The following TBXA2R variants were observed in gnomAD, a reference collection of about 807,000 sequenced individuals.
TBXA2R encodes prostanoid TP receptor.
Under a neutral mutation model 15.6 loss-of-function variants are expected in TBXA2R, and 15 were observed. That is an observed-to-expected ratio of 0.96 (90% confidence interval 0.64 to 1.48). The LOEUF (loss-of-function observed/expected upper bound fraction) is 1.48. Ranked by LOEUF, TBXA2R falls within the 40% of genes most tolerant of loss-of-function variation. TBXA2R has a pLI of 0.00. For missense variants in TBXA2R, 506 were observed against 491.4 expected (o/e 1.03, Z -0.28); for synonymous variants, 280 against 241.2 (o/e 1.16, Z -1.49).
At chr19:3,598,561 A>C (rs2032648113) in intron 2 of TBXA2R, among the ~76,000 whole-genome samples, 1 of 151,848 alleles carries the variant, frequency 6.6e-6, no homozygotes, top group Non-Finnish European at 1.5e-5. Flanking sequence ...CATGTAGGCC[A>C]GGCTGGTCTT....
chr19:3,602,081 C>T (rs1276038958), intron 1 of TBXA2R, among the ~76,000 whole-genome samples: 1 of 151,970 alleles, frequency 6.6e-6, no homozygotes, highest in African/African-American at 2.4e-5. Flanking sequence ...ATTAGCCGGG[C>T]GTGGTGGCGG....
Position 3,600,071 on chromosome 19 carries a change from G to A in TBXA2R, c.564C>T (p.Gly188=), listed in dbSNP as rs199672500. ...CGAAGGCCACGTCCCCGGACTCGGCGCCCAGCGTCAGGAAGCACCAGGACC... is the reference window on the plus strand; with the variant it reads ...CGAAGGCCACGTCCCCGGACTCGGCACCCAGCGTCAGGAAGCACCAGGACC... The part of the protein sequence containing the change: ...YPGSWCFLTL[G]AESGDVAFGL... Residue 188 remains glycine (G), a synonymous_variant, in exon 2 of 3, where the codon GGC becomes GGT. Transcript: ENST00000375190. 6 of 1,612,398 alleles carry A rather than the reference G, an allele frequency of 3.7e-6. No homozygotes were observed. Among genetic ancestry groups the A allele is most frequent in the Middle Eastern group, 1.6e-4 (1 of 6,082 alleles).
At chr19:3,595,995 G>A in intron 2 of TBXA2R, 62 bp from the exon 3 acceptor site, 1 of 1,546,542 alleles carries the variant, frequency 6.5e-7, no homozygotes, top group Non-Finnish European at 8.7e-7. Context: ...CCCGGTCCCT[G>A]CCCGGGGTCC....
intron 1 of TBXA2R, among the ~76,000 whole-genome samples, chr19:3,604,671 C>T (rs1021081986): frequency 6.6e-6 from 1 of 152,176 alleles, no homozygotes; most frequent in Non-Finnish European, 1.5e-5. Flanking sequence ...CTTGCCGAGC[C>T]TCAGTTTCCC....
At chr19:3,606,348 G>A (rs1210326167) in intron 1 of TBXA2R, among the ~76,000 whole-genome samples, 182 bp downstream of exon 1, 1 of 152,164 alleles carries the variant, frequency 6.6e-6, no homozygotes, top group African/African-American at 2.4e-5. Flanking sequence ...GGGCGCCCAG[G>A]GCAGGCCTCA....
At chr19:3,605,365 C>T (rs1256305005) in intron 1 of TBXA2R, among the ~76,000 whole-genome samples, 5 of 152,226 alleles carry the variant, frequency 3.3e-5, no homozygotes, top group Non-Finnish European at 7.3e-5. Flanking sequence ...GCCAGACACA[C>T]ACAGGCAGAA....
At chr19:3,604,366 G>A (rs1472448238) in intron 1 of TBXA2R, among the ~76,000 whole-genome samples, 1 of 152,148 alleles carries the variant, frequency 6.6e-6, no homozygotes, top group African/African-American at 2.4e-5. Context: ...CCCGGGCGCT[G>A]GGCTGGGCGT....
At position 3,600,279 on chromosome 19, in the gene TBXA2R, G is replaced by A. The variant is rs1322165544; in HGVS notation, c.356C>T (p.Pro119Leu). 2 of 1,612,586 alleles carry A rather than the reference G, an allele frequency of 1.2e-6. No individual in the cohort carries two copies. The highest frequency in any genetic ancestry group is 2.2e-5 in the East Asian group (1 of 44,860). ...GGCCATGGCGGCCCCCAGCAGCAGCGGGGACAGGCCGAAGAAGATCATGAC... is the reference window on the plus strand; with the variant it reads ...GGCCATGGCGGCCCCCAGCAGCAGCAGGGACAGGCCGAAGAAGATCATGAC... ...GVVMIFFGLSPLLLGAAMASE... is the reference protein window; with the variant it reads ...GVVMIFFGLSLLLLGAAMASE... The change falls in exon 2 of 3, where the codon CCG becomes CTG. Residue 119 changes from proline to leucine, a missense_variant. Transcript: ENST00000375190.
rs201364793 is a variant in TBXA2R at position 3,595,872 on chromosome 19, G to A, written c.848C>T (p.Ser283Phe). Residue 283 changes from serine to phenylalanine, a missense_variant, in exon 3 of 3, where the codon TCC becomes TTC. Ser to Phe is a radical substitution (Grantham distance 155). Transcript: ENST00000375190. ...PPAMSPAGQLSRTTEKELLIY... is the reference protein window; with the variant it reads ...PPAMSPAGQLFRTTEKELLIY... ...GAGCAGCTCCTTCTCCGTGGTGCGG[G>A]ACAGCTGCCCGGCGGGGCTCATGGC... The A allele has an allele frequency of 3.7e-6, 6 of 1,609,646 alleles. No individual in the cohort carries two copies. The highest frequency in any genetic ancestry group is 2.2e-5 in the South Asian group (2 of 90,128).
At position 3,595,880 on chromosome 19, in the gene TBXA2R, C is replaced by CTCACGGCACCATGAGCTG; in HGVS notation, c.839_840insCAGCTCATGGTGCCGTGA (p.Gly280_Gln281insSerSerTrpCysArgGlu). The CTCACGGCACCATGAGCTG allele has an allele frequency of 1.2e-6, 2 of 1,608,876 alleles. No homozygotes were observed. The highest frequency in any genetic ancestry group is 3.4e-5 in the Admixed American group (2 of 59,418). The stretch of plus-strand genomic sequence containing the variant: ...CCTTCTCCGTGGTGCGGGACAGCTG[C>CTCACGGCACCATGAGCTG]CCGGCGGGGCTCATGGCAGGCGGGT... On this transcript the variant is annotated inframe_insertion, in exon 3 of 3. Coordinates refer to ENST00000375190, the MANE Select transcript of TBXA2R (RefSeq NM_001060.6).
rs2032593899 is a variant in TBXA2R, at chr19:3,595,887, G to C, written c.833C>G (p.Pro278Arg). The change falls in exon 3 of 3, where the codon CCC becomes CGC. Residue 278 changes from proline to arginine, a missense_variant. Coordinates refer to ENST00000375190, the MANE Select transcript of TBXA2R (RefSeq NM_001060.6). ...CGTGGTGCGGGACAGCTGCCCGGCG[G>C]GGCTCATGGCAGGCGGGTTTCGCAG... The part of the protein sequence containing the change: ...TVLRNPPAMS[P>R]AGQLSRTTEK... 4.4e-6 allele frequency: 7 copies of C among 1,608,464 alleles called. No homozygotes were observed. Among genetic ancestry groups the C allele is most frequent in the African/African-American group, 1.3e-5 (1 of 74,984 alleles).
Position 3,595,551 on chromosome 19 carries a change from T to C in TBXA2R, c.*137A>G. ...TGGGGGTCCCCGGGTTGGATTGGGG[T>C]CAACCCAAAACCCTGCTGCTGATGC... On this transcript the variant is annotated 3_prime_UTR_variant, in exon 3 of 3. Coordinates refer to ENST00000375190, the MANE Select transcript of TBXA2R (RefSeq NM_001060.6). 1 of 1,436,766 alleles carries C rather than the reference T, an allele frequency of 7.0e-7. No individual in the cohort carries two copies. Among genetic ancestry groups the C allele is most frequent in the Non-Finnish European group, 9.1e-7 (1 of 1,097,698 alleles). The allele number at this position is 1,436,766 out of a possible 1,614,324, so 89.0% of individuals were successfully genotyped here.
At chr19:3,603,671 C>T (rs1396907625) in intron 1 of TBXA2R, among the ~76,000 whole-genome samples, 1 of 152,198 alleles carries the variant, frequency 6.6e-6, no homozygotes, top group Non-Finnish European at 1.5e-5. Context: ...ACACCCGGAA[C>T]TCCCTCACAC....
intron 1 of TBXA2R, among the ~76,000 whole-genome samples, chr19:3,603,405 G>A (rs2032774856): frequency 6.6e-6 from 1 of 152,206 alleles, no homozygotes; most frequent in Non-Finnish European, 1.5e-5. Flanking sequence ...GCGGTGGGGG[G>A]TTCCTCGCGG....
At chr19:3,603,780 A>G (rs1484344644) in intron 1 of TBXA2R, among the ~76,000 whole-genome samples, 3 of 152,080 alleles carry the variant, frequency 2.0e-5, no homozygotes, top group Non-Finnish European at 4.4e-5. Flanking sequence ...GCTGTTTCCA[A>G]TCCCCCCACC....
intron 1 of TBXA2R, among the ~76,000 whole-genome samples, chr19:3,601,107 C>G (rs1286310297): frequency 6.6e-6 from 1 of 151,680 alleles, no homozygotes; most frequent in Non-Finnish European, 1.5e-5. Context: ...ACCCTGAAAT[C>G]CAGTTCTATT....
chr19:3,596,833 G>A (rs917999486), intron 2 of TBXA2R, among the ~76,000 whole-genome samples: 4 of 150,972 alleles, frequency 2.6e-5, no homozygotes, highest in African/African-American at 4.9e-5. Context: ...TGCCCTCCTC[G>A]GCCTCCCAAA....
intron 2 of TBXA2R, 116 bp downstream of exon 2, chr19:3,599,733 C>G (rs2032679518): frequency 6.8e-7 from 1 of 1,464,054 alleles, no homozygotes; most frequent in Non-Finnish European, 9.3e-7. Flanking sequence ...TCCCAGAGTT[C>G]TGGGATTACC....
chr19:3,600,118 G>A lies in TBXA2R; in HGVS notation c.517C>T (p.Arg173Cys), dbSNP rs771836447. 1.9e-6 allele frequency: 3 copies of A among 1,611,436 alleles called. No individual in the cohort carries two copies. The highest frequency in any genetic ancestry group is 1.7e-5 in the Admixed American group (1 of 59,972). The change falls in exon 2 of 3, where the codon CGC (arginine) becomes TGC (cysteine). Residue 173 changes from arginine (R) to cysteine (C), a missense_variant. Arg to Cys is a radical substitution (Grantham distance 180). Transcript: ENST00000375190. The stretch of plus-strand genomic sequence containing the variant: ...GACCCCGGGTATTGCACGGTGTAGC[G>A]ACCCACGCCCAGCAGGGGCAGCAGG... ...LGLLPLLGVG[R>C]YTVQYPGSWC...
Sources: gnomAD v4.1 joint callset for allele counts (sites outside exome capture counted in the v4.1 genomes callset) on GRCh38, gnomAD v4.1.1 for gene constraint, MANE v1.5 for transcripts, NCBI Gene and HGNC (gene_info 2026-07-23, HGNC 2026-07-21) for gene names.